MLXIPL: variants seen among roughly 807,000 people sequenced by gnomAD.
MLXIPL encodes the protein MLX interacting protein like.
A neutral mutation model predicts 81.5 loss-of-function variants in MLXIPL; 49 were observed. The observed-to-expected ratio is 0.60, with a 90% CI of 0.48 to 0.76. The LOEUF is 0.76. Among genes scored for constraint, MLXIPL ranks in the 30% least tolerant of loss-of-function variants. The pLI is 0.00. For synonymous variants in MLXIPL, 466 were observed against 485.5 expected (o/e 0.96, Z 0.53); for missense variants, 1,053 against 1,167.0 (o/e 0.90, Z 1.42).
chr7:73,629,587 G>T, the MLXIPL span, among the ~76,000 whole-genome samples: 32 of 152,268 alleles, frequency 2.1e-4, no homozygotes, highest in African/African-American at 7.7e-4. Flanking sequence ...TAAAAAATTA[G>T]CTATTTGTGG....
In MLXIPL at chr7:73,593,994, G is replaced by T; in HGVS notation, c.2441-11C>A. On this transcript the variant is annotated splice_polypyrimidine_tract_variant and intron_variant, in intron 16 of 16. Transcript: ENST00000313375. ...GGGAGTTCAGGACAGCTGGGTGGGA[G>T]ACAGAGAGAGAGAGACAGACACTTC... 6.2e-7 allele frequency: 1 copy of T among 1,604,298 alleles called. No homozygotes were observed. The highest frequency in any genetic ancestry group is 8.5e-7 in the Non-Finnish European group (1 of 1,171,194).
chr7:73,595,504 G>A (rs1794204077), intron 15 of MLXIPL, 133 bp downstream of exon 15: 1 of 1,591,412 alleles, frequency 6.3e-7, no homozygotes, highest in Non-Finnish European at 8.5e-7. Flanking sequence ...AGGGGGCAGA[G>A]CCAGAGCCTG....
At chr7:73,639,930 T>C in the MLXIPL span, among the ~76,000 whole-genome samples, 1 of 151,308 alleles carries the variant, frequency 6.6e-6, no homozygotes, top group South Asian at 2.1e-4. Flanking sequence ...CCAGGTGTGG[T>C]GGTGGGCGCC....
At chr7:73,619,757 G>A (rs1179610555) in intron 1 of MLXIPL, among the ~76,000 whole-genome samples, 6 of 151,390 alleles carry the variant, frequency 4.0e-5, no homozygotes, top group African/African-American at 9.7e-5. Context: ...AGTGAAACCC[G>A]GTCTCTACTA....
At position 73,596,033 on chromosome 7, in the gene MLXIPL, C is replaced by A; in HGVS notation, c.2059-64G>T. Reference sequence around the variant, plus strand: ...GGCTGTACCCTGGGACCCACTGAGGCACTGGGATGGGAGGAGGCAAGAGTG... The same window carrying A: ...GGCTGTACCCTGGGACCCACTGAGGAACTGGGATGGGAGGAGGCAAGAGTG... On this transcript the variant is annotated intron_variant, in intron 13 of 16. Coordinates refer to ENST00000313375, the MANE Select transcript of MLXIPL (RefSeq NM_032951.3). This position sits in a 1 kb window ranked among gnomAD's most constrained non-coding sequence, Gnocchi z 4.7. The A allele has an allele frequency of 6.2e-7, 1 of 1,605,866 alleles. No individual in the cohort carries two copies. The highest frequency in any genetic ancestry group is 1.1e-5 in the South Asian group (1 of 90,582).
At position 73,606,964 on chromosome 7, in the gene MLXIPL, G is replaced by A. The variant is rs1321683148; in HGVS notation, c.618+10C>T. ...GATGCCCTTGCCTGCTGGACTTACAGAGCACCCACCTGCTTAGGGGCCAGG... is the reference window on the plus strand; with the variant it reads ...GATGCCCTTGCCTGCTGGACTTACAAAGCACCCACCTGCTTAGGGGCCAGG... On this transcript the variant is annotated intron_variant, in intron 5 of 16. Transcript: ENST00000313375. The A allele has an allele frequency of 6.2e-7, 1 of 1,613,530 alleles. No homozygotes were observed.
At chr7:73,639,885 C>T in the MLXIPL span, among the ~76,000 whole-genome samples, 1 of 151,110 alleles carries the variant, frequency 6.6e-6, no homozygotes, top group Non-Finnish European at 1.5e-5. Flanking sequence ...GGTGAAACCC[C>T]GTCTCCACTA....
intron 1 of MLXIPL, among the ~76,000 whole-genome samples, chr7:73,620,727 G>C (rs782356662): frequency 6.6e-5 from 10 of 150,926 alleles, no homozygotes; most frequent in Non-Finnish European, 1.3e-4. Context: ...GGGCGACAGA[G>C]TGAGACTCCG....
rs1164687350 is a variant in MLXIPL, at chr7:73,595,658, C to T, written c.2289G>A (p.Leu763=). The change falls in exon 15 of 17, where the codon CTG becomes CTA. Residue 763 remains leucine, a synonymous_variant. Transcript: ENST00000313375. Reference sequence around the variant, plus strand: ...ATACCACCCAGAACTTCCAGTTGTGCAGCGTACGGGTTCGGACGTAGTCAT... The same window carrying T: ...ATACCACCCAGAACTTCCAGTTGTGTAGCGTACGGGTTCGGACGTAGTCAT... ...MFDDYVRTRT[L]HNWKFWVFSI... 28 of 1,614,074 alleles carry T rather than the reference C, an allele frequency of 1.7e-5. No individual in the cohort carries two copies. The highest frequency in any genetic ancestry group is 2.1e-5 in the Non-Finnish European group (25 of 1,180,024).
At chr7:73,606,495 A>C (rs1169115175) in intron 5 of MLXIPL, 1 of 321,138 alleles carries the variant, frequency 3.1e-6, no homozygotes, top group Non-Finnish European at 5.7e-6. Context: ...GCGCAATCTC[A>C]GCTCACTGCA....
chr7:73,598,223 T>C (rs1794508130), intron 8 of MLXIPL, among the ~76,000 whole-genome samples: 1 of 152,026 alleles, frequency 6.6e-6, no homozygotes. Context: ...TCTCCATCCA[T>C]CCGTCTTCCA....
upstream of MLXIPL, among the ~76,000 whole-genome samples, chr7:73,627,980 T>C (rs1460936552): frequency 6.6e-6 from 1 of 152,102 alleles, no homozygotes; most frequent in African/African-American, 2.4e-5. Context: ...GTGCTTTCTT[T>C]CTTTCTTCTT....
Position 73,624,419 on chromosome 7 carries a change from G to A in MLXIPL, c.74C>T (p.Ser25Leu), listed in dbSNP as rs1554603140. The A allele has an allele frequency of 6.4e-7, 1 of 1,565,914 alleles. No individual in the cohort carries two copies. ...PRVAPSPDSD[S>L]DTDSEDPSLR... ...ACTCGGGTCCTCCGAGTCTGTGTCC[G>A]AGTCCGAGTCTGGGCTGGGCGCGAC... Residue 25 changes from serine to leucine, a missense_variant, in exon 1 of 17, where the codon TCG becomes TTG. Transcript: ENST00000313375.
rs1297532297 is a variant in MLXIPL, at chr7:73,593,626, C to T, written c.*239G>A. 1 of 507,432 alleles carries T rather than the reference C, an allele frequency of 2.0e-6. No individual in the cohort carries two copies. 31.4% of individuals were successfully genotyped at this position (507,432 alleles called of 1,614,324 possible). ...TTGAAACACAGCGGTCCAAAGACAG[C>T]GGACGAGTCACCCAAGGTCACGGTG... On this transcript the variant is annotated 3_prime_UTR_variant, in exon 17 of 17. Coordinates refer to ENST00000313375, the MANE Select transcript of MLXIPL (RefSeq NM_032951.3).
At chr7:73,594,144 G>T (rs1695006201) in intron 16 of MLXIPL, 130 bp downstream of exon 16, 1 of 1,478,802 alleles carries the variant, frequency 6.8e-7, no homozygotes, top group Non-Finnish European at 9.3e-7. Context: ...GGACCATCTG[G>T]GGGATGCGGG....
chr7:73,603,250 A>G (rs1795026427), intron 7 of MLXIPL, among the ~76,000 whole-genome samples: 1 of 152,000 alleles, frequency 6.6e-6, no homozygotes, highest in African/African-American at 2.4e-5. Flanking sequence ...TTGATAAGAG[A>G]GGGCCACACG....
intron 1 of MLXIPL, 121 bp downstream of exon 1, chr7:73,624,079 C>T: frequency 7.5e-7 from 1 of 1,340,512 alleles, no homozygotes; most frequent in Non-Finnish European, 9.9e-7. Context: ...TCGGAGCCTC[C>T]GGGAGCCGCA....
intron 1 of MLXIPL, among the ~76,000 whole-genome samples, chr7:73,619,603 T>C (rs887262202): frequency 2.0e-5 from 3 of 151,782 alleles, no homozygotes; most frequent in Admixed American, 2.0e-4. Context: ...CACTCCAGCC[T>C]GGGCAACAGA....
chr7:73,595,558 G>A lies in MLXIPL; in HGVS notation c.2310+79C>T. ...GAGCCTGCCCGGCCTGGAGAGCTAG[G>A]CCTCCATCCCAGGCCCAGCCTGGTC... On this transcript the variant is annotated intron_variant, in intron 15 of 16. Coordinates refer to ENST00000313375, the MANE Select transcript of MLXIPL (RefSeq NM_032951.3). 1.9e-6 allele frequency: 3 copies of A among 1,612,728 alleles called. No individual in the cohort carries two copies. In the South Asian group the frequency reaches 3.3e-5, roughly 18 times the overall value.
Sources: gnomAD v4.1 joint callset for allele counts (sites outside exome capture counted in the v4.1 genomes callset) on GRCh38, gnomAD v4.1.1 for gene constraint, Gnocchi (gnomAD v3.1) non-coding constraint, MANE v1.5 for transcripts, NCBI Gene and HGNC (gene_info 2026-07-23, HGNC 2026-07-21) for gene names.